Variants in KRT13 observed in about 807,000 individuals in gnomAD.
KRT13 encodes keratin 13.
KRT13 carries 27 observed loss-of-function variants against 40.6 expected under a neutral mutation model. The observed-to-expected ratio is 0.67, with a 90% CI of 0.49 to 0.92. The LOEUF is 0.92. Ranked by LOEUF, KRT13 falls within the 40% of genes least tolerant of loss-of-function variation. KRT13 has a pLI of 0.00. For synonymous variants in KRT13, 266 were observed against 240.3 expected, an observed-to-expected ratio of 1.11 and a Z score of -0.99; for missense variants, 605 against 611.5, an observed-to-expected ratio of 0.99 and a Z score of 0.11.
Position 41,505,292 on chromosome 17 carries a change from CA to C in KRT13, c.258del (p.Gly87ValfsTer48), listed in dbSNP as rs1188976227. On this transcript the variant is annotated frameshift_variant, in exon 1 of 8. Coordinates refer to ENST00000246635, the MANE Select transcript of KRT13 (RefSeq NM_153490.3). LOFTEE classifies it high-confidence loss of function. ...CAAGCACCAAAGTCAACAAAGCCAC[CA>C]GCAAAACCCCCACCAAAGCCACCTC... ...GLGGGFGGGFAGGFVDFGACD... is the reference protein window; with the variant it reads ...GLGGGFGGGFXGGFVDFGACD... 1 of 1,614,036 alleles carries C rather than the reference CA, an allele frequency of 6.2e-7. No individual in the cohort carries two copies. The highest frequency in any genetic ancestry group is 8.5e-7 in the Non-Finnish European group (1 of 1,180,024).
At chr17:41,501,861 G>A in intron 6 of KRT13, 117 bp from the exon 7 acceptor site, 1 of 1,546,918 alleles carries the variant, frequency 6.5e-7, no homozygotes, top group South Asian at 1.2e-5. Flanking sequence ...GGACTCTAGT[G>A]CCTCCTAGCT....
chr17:41,501,961 ATAT>A, intron 6 of KRT13: 2 of 1,442,082 alleles, frequency 1.4e-6, no homozygotes, highest in Non-Finnish European at 1.8e-6. Flanking sequence ...TCAAGGGGAG[ATAT>A]TATTAGCCAC....
chr17:41,503,163 T>TG (rs1597763190), intron 3 of KRT13, 65 bp from the exon 4 acceptor site: 1 of 1,606,182 alleles, frequency 6.2e-7, no homozygotes, highest in East Asian at 2.2e-5. Context: ...CTCTGAGTGC[T>TG]GGCAGAGTGT....
At chr17:41,503,217 G>T in intron 3 of KRT13, 70 bp downstream of exon 3, 1 of 1,607,100 alleles carries the variant, frequency 6.2e-7, no homozygotes, top group Admixed American at 1.7e-5. Flanking sequence ...ACTGTGTCCA[G>T]TTGCAGGGGA....
Position 41,501,080 on chromosome 17 carries a change from C to T in KRT13, c.*176G>A. On this transcript the variant is annotated 3_prime_UTR_variant, in exon 8 of 8. Transcript: ENST00000246635. The stretch of plus-strand genomic sequence containing the variant: ...TATCCAGGTCAGAGAGGAGAGAGAT[C>T]CGACCGGAAGAGAAGAGCACAGAGG... The T allele has an allele frequency of 1.8e-6, 1 of 560,864 alleles. No homozygotes were observed. Among genetic ancestry groups the T allele is most frequent in the Non-Finnish European group, 3.3e-6 (1 of 304,292 alleles). The allele number at this position is 560,864 out of a possible 1,614,324, so 34.7% of individuals were successfully genotyped here.
chr17:41,505,193 C>T lies in KRT13; in HGVS notation c.358G>A (p.Glu120Lys). The stretch of plus-strand genomic sequence containing the variant: ...GCCTCCTCCAGGGCGCGCACCTTCT[C>T]CAGGTAGGAAGCCAGGCGGTCGTTG... ...NLNDRLASYL[E>K]KVRALEEANA... Residue 120 changes from glutamate (E) to lysine (K), a missense_variant, in exon 1 of 8, where the codon GAG becomes AAG. Physicochemically the swap from Glu to Lys is moderately conservative, Grantham distance 56 (BLOSUM62 1). Coordinates refer to ENST00000246635, the MANE Select transcript of KRT13 (RefSeq NM_153490.3). 1.9e-6 allele frequency: 3 copies of T among 1,614,232 alleles called. No individual in the cohort carries two copies. Among genetic ancestry groups the T allele is most frequent in the Non-Finnish European group, 2.5e-6 (3 of 1,180,036 alleles).
Position 41,505,083 on chromosome 17 carries a change from G to A in KRT13, c.468C>T (p.Tyr156=), listed in dbSNP as rs779863868. Residue 156 remains tyrosine, a synonymous_variant, in exon 1 of 8, where the codon TAC becomes TAT. Coordinates refer to ENST00000246635, the MANE Select transcript of KRT13 (RefSeq NM_153490.3). ...ASPERDYSPY[Y]KTIEELRDKI... is the part of the protein sequence containing the mutation. The stretch of plus-strand genomic sequence containing the variant: ...TGTCCCGGAGCTCTTCAATGGTCTT[G>A]TAGTAGGGGCTGTAGTCCCGCTCAG... 4.3e-6 allele frequency: 7 copies of A among 1,614,224 alleles called. No individual in the cohort carries two copies. In the South Asian group the frequency reaches 6.6e-5, roughly 15 times the overall value.
At chr17:41,503,172 G>A in intron 3 of KRT13, 74 bp from the exon 4 acceptor site, 2 of 1,603,682 alleles carry the variant, frequency 1.2e-6, no homozygotes, top group African/African-American at 1.3e-5. Flanking sequence ...CTGGCAGAGT[G>A]TTCTGGAGAG....
rs751156638 is a variant in KRT13 at position 41,505,458 on chromosome 17, G to A, written c.93C>T (p.Thr31=). 3.7e-6 allele frequency: 6 copies of A among 1,614,102 alleles called. No homozygotes were observed. The highest frequency in any genetic ancestry group is 4.2e-6 in the Non-Finnish European group (5 of 1,179,958). The part of the protein sequence containing the change: ...CQLGGGRGVS[T]CSTRFVSGGS... ...CCCCGGACACAAACCGAGTTGAACA[G>A]GTAGAGACACCACGGCCTCCTCCCA... Residue 31 remains threonine (T), a synonymous_variant, in exon 1 of 8, where the codon ACC becomes ACT. Coordinates refer to ENST00000246635, the MANE Select transcript of KRT13 (RefSeq NM_153490.3).
At chr17:41,503,485 A>G (rs760305890) in intron 2 of KRT13, 42 bp from the exon 3 acceptor site, 1 of 1,608,226 alleles carries the variant, frequency 6.2e-7, no homozygotes, top group Non-Finnish European at 8.5e-7. Flanking sequence ...AAAAAGCAAG[A>G]CATAAATGAT....
chr17:41,502,289 G>A, intron 6 of KRT13, 85 bp downstream of exon 6: 10 of 1,611,692 alleles, frequency 6.2e-6, no homozygotes, highest in Non-Finnish European at 8.5e-6. Context: ...CTGACATGAG[G>A]GGGTGGATCT....
At chr17:41,504,709 T>A in intron 1 of KRT13, 1 of 262,308 alleles carries the variant, frequency 3.8e-6, no homozygotes, top group Non-Finnish European at 7.3e-6. Flanking sequence ...CTCTGTTGAT[T>A]TCATGCATTC....
chr17:41,503,209 T>A, intron 3 of KRT13, 78 bp downstream of exon 3: 1 of 1,604,792 alleles, frequency 6.2e-7, no homozygotes, highest in Non-Finnish European at 8.5e-7. Flanking sequence ...AGTGGAGGAC[T>A]GTGTCCAGTT....
Position 41,505,417 on chromosome 17 carries a change from T to A in KRT13, c.134A>T (p.Tyr45Phe). 1 of 1,613,400 alleles carries A rather than the reference T, an allele frequency of 6.2e-7. No individual in the cohort carries two copies. Residue 45 changes from tyrosine to phenylalanine, a missense_variant, in exon 1 of 8, where the codon TAT becomes TTT. By Grantham distance (22) the Tyr-to-Phe change is conservative (BLOSUM62 3). Coordinates refer to ENST00000246635, the MANE Select transcript of KRT13 (RefSeq NM_153490.3). ...AAAACCACAGCTCACGCCGCCTCCA[T>A]AGCCCCCAGCTGATCCCCCGGACAC... The part of the protein sequence containing the change: ...RFVSGGSAGG[Y>F]GGGVSCGFGG...
intron 6 of KRT13, chr17:41,502,166 C>G (rs1428766239): frequency 6.8e-7 from 1 of 1,470,474 alleles, no homozygotes; most frequent in African/African-American, 1.4e-5. Context: ...CCTCCATGGT[C>G]TCTGTTCCCT....
At chr17:41,501,479 CTCTT>C (rs1451499138) in intron 7 of KRT13, 117 bp from the exon 8 acceptor site, 1 of 1,068,918 alleles carries the variant, frequency 9.4e-7, no homozygotes, top group East Asian at 2.6e-5. Context: ...TGGATGGAGA[CTCTT>C]TATTGTCCCC....
In KRT13 at chr17:41,505,252, A is replaced by G. The variant is rs1905021716; in HGVS notation, c.299T>C (p.Leu100Pro). Residue 100 changes from leucine to proline, a missense_variant, in exon 1 of 8, where the codon CTC (leucine) becomes CCC (proline). Physicochemically the swap from Leu to Pro is moderately conservative, Grantham distance 98 (BLOSUM62 -3). Coordinates refer to ENST00000246635, the MANE Select transcript of KRT13 (RefSeq NM_153490.3). ...VDFGACDGGL[L>P]TGNEKITMQN... Reference sequence around the variant, plus strand: ...CATGGTGATCTTCTCATTGCCAGTGAGGAGGCCGCCATCACAAGCACCAAA... The same window carrying G: ...CATGGTGATCTTCTCATTGCCAGTGGGGAGGCCGCCATCACAAGCACCAAA... 6.2e-7 allele frequency: 1 copy of G among 1,614,008 alleles called. No homozygotes were observed.
At position 41,501,139 on chromosome 17, in the gene KRT13, C is replaced by T. The variant is rs111307652; in HGVS notation, c.*117G>A. The T allele has an allele frequency of 2.8e-5, 20 of 721,136 alleles. No individual in the cohort carries two copies. The highest frequency in any genetic ancestry group is 8.8e-5 in the African/African-American group (5 of 56,896). 44.7% of individuals were successfully genotyped at this position (721,136 alleles called of 1,614,324 possible). A position where few individuals can be genotyped will look rare whatever the true frequency, so the allele number is the denominator to read the frequency against. On this transcript the variant is annotated 3_prime_UTR_variant, in exon 8 of 8. Coordinates refer to ENST00000246635, the MANE Select transcript of KRT13 (RefSeq NM_153490.3). ...TCAGGAGAGAGTCAGGACAGGGGGT[C>T]CTGAGAGCAGAGGGACTGAGCCTTG...
rs200309164 is a variant in KRT13, at chr17:41,502,485, C to T, written c.1133G>A (p.Arg378His). ...TTGGTTCTGGCACTCCATCTCACTG[C>T]GGAGCTCGCTCAGCTGGGCCTCGAT... is the stretch of plus-strand genomic sequence containing the variant. ...SSIEAQLSEL[R>H]SEMECQNQEY... is the part of the protein sequence containing the mutation. Residue 378 changes from arginine (R) to histidine (H), a missense_variant, in exon 6 of 8, where the codon CGC becomes CAC. Transcript: ENST00000246635. 456 of 1,614,168 alleles carry T rather than the reference C, an allele frequency of 2.8e-4. 3 individuals are homozygous for T. In the East Asian group the frequency reaches 9.9e-3, roughly 35 times the overall value.
Sources: allele counts gnomAD v4.1 joint callset, GRCh38; gene constraint gnomAD v4.1.1; transcripts MANE v1.5; gene names NCBI Gene and HGNC (gene_info 2026-07-23, HGNC 2026-07-21).